Variants in SPRR2G observed in about 807,000 individuals in gnomAD.
SPRR2G encodes small proline rich protein 2G, also known as small proline-rich protein 2G.
A neutral mutation model predicts 0.7 loss-of-function variants in SPRR2G; 1 was observed. The ratio of observed to expected loss-of-function variants is 1.49; its 90% CI spans 0.53 to 7.06. The LOEUF (loss-of-function observed/expected upper bound fraction) is 7.06, where lower values mean the gene tolerates loss of function less well. Ranked by LOEUF, SPRR2G falls within the 30% of genes most tolerant of loss-of-function variation. The probability of loss-of-function intolerance (pLI) is 0.14; values close to 1 mark genes in which losing one functional copy is unlikely to be tolerated. For synonymous variants in SPRR2G, 38 were observed against 33.9 expected (o/e 1.12, Z -0.42); for missense variants, 96 against 88.5 (o/e 1.09, Z -0.34).
chr1:153,196,839 A>G, the SPRR2G span, among the ~76,000 whole-genome samples: 1 of 152,152 alleles, frequency 6.6e-6, no homozygotes, highest in South Asian at 2.1e-4. Context: ...TGCTCTCTCC[A>G]TTAAGACATC....
the SPRR2G span, among the ~76,000 whole-genome samples, chr1:153,175,321 T>G: frequency 6.6e-6 from 1 of 152,144 alleles, no homozygotes; most frequent in Non-Finnish European, 1.5e-5. Flanking sequence ...TTCAATGGCT[T>G]CCTGTTACAC....
the SPRR2G span, among the ~76,000 whole-genome samples, chr1:153,199,170 A>G: frequency 6.6e-6 from 1 of 152,332 alleles, no homozygotes; most frequent in African/African-American, 2.4e-5. Flanking sequence ...ATAAACAGTG[A>G]AAGGGGAGGA....
the SPRR2G span, among the ~76,000 whole-genome samples, chr1:153,184,018 C>T: frequency 6.6e-6 from 1 of 152,272 alleles, no homozygotes; most frequent in South Asian, 2.1e-4. Context: ...TGTCAAAGAT[C>T]AGATGGTTGT....
At chr1:153,200,006 A>G in the SPRR2G span, among the ~76,000 whole-genome samples, 9 of 152,176 alleles carry the variant, frequency 5.9e-5, no homozygotes, top group African/African-American at 2.2e-4. Flanking sequence ...GGGAGATTCT[A>G]ATGGAGTTAA....
the SPRR2G span, among the ~76,000 whole-genome samples, chr1:153,185,022 T>C: frequency 6.6e-6 from 1 of 152,344 alleles, no homozygotes; most frequent in East Asian, 1.9e-4. Flanking sequence ...GATTTGCGTA[T>C]GTTGAACTGC....
chr1:153,179,277 T>C, the SPRR2G span, among the ~76,000 whole-genome samples: 1 of 152,132 alleles, frequency 6.6e-6, no homozygotes, highest in Non-Finnish European at 1.5e-5. Flanking sequence ...ACATCTACCT[T>C]CACAGCAACA....
the SPRR2G span, among the ~76,000 whole-genome samples, chr1:153,178,411 G>A: frequency 2.0e-5 from 3 of 151,978 alleles, no homozygotes; most frequent in Non-Finnish European, 4.4e-5. Context: ...TGATATTAGG[G>A]GAAAAATATT....
chr1:153,152,496 A>C (rs539593450), upstream of SPRR2G, among the ~76,000 whole-genome samples: 22 of 152,308 alleles, frequency 1.4e-4, no homozygotes, highest in Non-Finnish European at 2.8e-4. Flanking sequence ...AGGACCTAAC[A>C]TGGGAATTTG....
the SPRR2G span, among the ~76,000 whole-genome samples, chr1:153,201,126 A>T: frequency 6.6e-6 from 1 of 152,156 alleles, no homozygotes. Context: ...GCAGCCTAAG[A>T]AGCCTGTTCT....
the SPRR2G span, among the ~76,000 whole-genome samples, chr1:153,187,512 G>A: frequency 6.6e-6 from 1 of 151,866 alleles, no homozygotes; most frequent in South Asian, 2.1e-4. Flanking sequence ...ACTTGTGTAT[G>A]CTTCACAAAG....
At chr1:153,172,307 A>G in the SPRR2G span, among the ~76,000 whole-genome samples, 3 of 152,096 alleles carry the variant, frequency 2.0e-5, no homozygotes, top group Admixed American at 2.0e-4. Context: ...AATTCCACAG[A>G]GTTCTTTCCT....
chr1:153,180,510 T>G, the SPRR2G span, among the ~76,000 whole-genome samples: 2 of 152,204 alleles, frequency 1.3e-5, no homozygotes, highest in South Asian at 4.1e-4. Flanking sequence ...TGCATCCATT[T>G]TATTGCTAAA....
the SPRR2G span, among the ~76,000 whole-genome samples, chr1:153,189,069 G>T: frequency 6.6e-6 from 1 of 152,174 alleles, no homozygotes; most frequent in Non-Finnish European, 1.5e-5. Context: ...GTCTTGCTGG[G>T]AGCTCCAGAC....
At chr1:153,177,112 G>A in the SPRR2G span, among the ~76,000 whole-genome samples, 6 of 152,040 alleles carry the variant, frequency 3.9e-5, no homozygotes, top group Non-Finnish European at 7.4e-5. Flanking sequence ...CATACAGAAC[G>A]TACTCTGCTG....
the SPRR2G span, among the ~76,000 whole-genome samples, chr1:153,186,896 G>T: frequency 6.6e-6 from 1 of 152,036 alleles, no homozygotes; most frequent in Non-Finnish European, 1.5e-5. Flanking sequence ...TTGGCCTGGG[G>T]GTGACAAAAT....
At chr1:153,161,737 A>G in the SPRR2G span, among the ~76,000 whole-genome samples, 25 of 152,360 alleles carry the variant, frequency 1.6e-4, no homozygotes, top group East Asian at 4.8e-3. Flanking sequence ...GAGAATGACC[A>G]TATATAAACT....
At chr1:153,173,350 T>C in the SPRR2G span, among the ~76,000 whole-genome samples, 1 of 152,102 alleles carries the variant, frequency 6.6e-6, no homozygotes, top group Non-Finnish European at 1.5e-5. Flanking sequence ...AAGAGTGAAG[T>C]TGTCCTACAG....
chr1:153,185,603 C>T, the SPRR2G span, among the ~76,000 whole-genome samples: 1 of 152,022 alleles, frequency 6.6e-6, no homozygotes, highest in South Asian at 2.1e-4. Context: ...TGATTCTTCT[C>T]TCTTTTCTTC....
chr1:153,197,132 ATGTGTGTGTGTG>A, the SPRR2G span, among the ~76,000 whole-genome samples: 11,290 of 140,340 alleles, frequency 0.08, 1,227 homozygotes, highest in African/African-American at 0.26. Context: ...CAGGCAGAGA[ATGTGTGTGTGTG>A]TGTGTGTGTG....
Sources: gnomAD v4.1 joint callset for allele counts (sites outside exome capture counted in the v4.1 genomes callset) on GRCh38, gnomAD v4.1.1 for gene constraint, MANE v1.5 for transcripts, NCBI Gene and HGNC (gene_info 2026-07-23, HGNC 2026-07-21) for gene names.